Variants in RBFOX1 observed in about 807,000 individuals in gnomAD.
RBFOX1 encodes the protein RNA binding protein fox-1 homolog 1.
Under a neutral mutation model 57.7 loss-of-function variants are expected in RBFOX1, and 8 were observed. The observed-to-expected ratio is 0.14, with a 90% CI of 0.08 to 0.25. The LOEUF is 0.25. RBFOX1 is among the 10% of genes least tolerant of loss of function. The pLI is 1.00. For synonymous variants in RBFOX1, 326 were observed against 222.4 expected, an observed-to-expected ratio of 1.47 and a Z score of -4.15; for missense variants, 611 against 548.5, an observed-to-expected ratio of 1.11 and a Z score of -1.14.
At chr16:7,701,678 C>A (rs956717661) in intron 14 of RBFOX1, among the ~76,000 whole-genome samples, 5 of 152,188 alleles carry the variant, frequency 3.3e-5, no homozygotes, top group African/African-American at 1.2e-4. Context: ...TGAGCTTGGT[C>A]ATCCCTATGG....
intron 4 of RBFOX1, among the ~76,000 whole-genome samples, chr16:7,062,242 C>A (rs1050284352): frequency 7.0e-6 from 1 of 142,882 alleles, no homozygotes; most frequent in Non-Finnish European, 1.5e-5. Flanking sequence ...TGCCGTGAAC[C>A]GAGATCATGA....
At chr16:5,849,438 T>C (rs940383781) in intron 3 of RBFOX1, among the ~76,000 whole-genome samples, 2 of 152,074 alleles carry the variant, frequency 1.3e-5, no homozygotes, top group African/African-American at 4.8e-5. Flanking sequence ...GCTACAATCC[T>C]CTGCTACAGA....
At chr16:6,072,546 T>C (rs533665911) in intron 1 of RBFOX1, among the ~76,000 whole-genome samples, 127 of 152,312 alleles carry the variant, frequency 8.3e-4, no homozygotes, top group African/African-American at 3.0e-3. Context: ...TTTTCCATAG[T>C]GGCTACATAT....
chr16:6,704,053 C>T (rs992284131), intron 3 of RBFOX1: 34 of 152,374 alleles, frequency 2.2e-4, no homozygotes, highest in African/African-American at 8.0e-4. Context: ...CCCTCCTCCT[C>T]GAGCTCTTTG....
intron 5 of RBFOX1, among the ~76,000 whole-genome samples, chr16:7,522,792 C>T (rs546888958): frequency 4.7e-4 from 72 of 152,174 alleles, no homozygotes; most frequent in African/African-American, 1.6e-3. Context: ...CAAGAGTATT[C>T]AGAAATAGTA....
At chr16:6,760,354 C>G (rs1435303642) in intron 3 of RBFOX1, among the ~76,000 whole-genome samples, 2 of 152,106 alleles carry the variant, frequency 1.3e-5, no homozygotes, top group South Asian at 2.1e-4. Flanking sequence ...TGGTTTCAGT[C>G]TTTTGTTTTT....
At chr16:7,654,088 G>C in intron 12 of RBFOX1, 141 bp downstream of exon 12, 1 of 837,392 alleles carries the variant, frequency 1.2e-6, no homozygotes, top group South Asian at 1.8e-5. Context: ...GCCCGGCCGC[G>C]CACCTGCAGT....
intron 3 of RBFOX1, among the ~76,000 whole-genome samples, chr16:5,733,254 A>G (rs1208901181): frequency 3.3e-5 from 5 of 152,196 alleles, no homozygotes; most frequent in African/African-American, 1.2e-4. Flanking sequence ...TTGGCTTGTG[A>G]GAATATACAA....
intron 1 of RBFOX1, among the ~76,000 whole-genome samples, chr16:6,035,827 G>A (rs968858442): frequency 1.2e-4 from 18 of 152,250 alleles, no homozygotes; most frequent in Non-Finnish European, 2.2e-4. Flanking sequence ...GAAGGATTAC[G>A]CTTTCCAAAG....
At chr16:6,643,630 T>C (rs571400434) in intron 2 of RBFOX1, among the ~76,000 whole-genome samples, 47 of 152,306 alleles carry the variant, frequency 3.1e-4, no homozygotes, top group African/African-American at 1.1e-3. Flanking sequence ...CACAGTATAT[T>C]GTGTAAGGGA....
rs184712334 is a variant in RBFOX1, at chr16:5,510,203, A to G, written c.258+42949A>G. Among the ~76,000 whole-genome samples, 64 of 152,336 alleles carry G rather than the reference A, an allele frequency of 4.2e-4. 1 individual carries two copies. Among genetic ancestry groups the G allele is most frequent in the African/African-American group, 1.5e-3 (61 of 41,578 alleles). On this transcript the variant is annotated intron_variant, in intron 2 of 2. Transcript: ENST00000585867. The stretch of plus-strand genomic sequence containing the variant: ...TGGCTAAAATGGGGTCTATTCTGCT[A>G]TAGCAGAGGAAGAAACATCCCAGAC...
intron 1 of RBFOX1, among the ~76,000 whole-genome samples, chr16:5,307,920 C>A (rs1285869394): frequency 6.6e-6 from 1 of 152,206 alleles, no homozygotes; most frequent in African/African-American, 2.4e-5. Flanking sequence ...TCAGGCAATC[C>A]TCCTGTCTTG....
chr16:6,977,906 A>G (rs1024181802), intron 3 of RBFOX1, among the ~76,000 whole-genome samples: 17 of 142,560 alleles, frequency 1.2e-4, no homozygotes, highest in Non-Finnish European at 2.5e-4. Flanking sequence ...GGAGATCCCA[A>G]GAGGAAACTG....
chr16:6,811,904 T>C (rs542755156), intron 3 of RBFOX1, among the ~76,000 whole-genome samples: 1 of 151,922 alleles, frequency 6.6e-6, no homozygotes. Context: ...TATAAATAAA[T>C]AAAATACAAA....
At chr16:7,171,658 C>A (rs1041107103) in intron 4 of RBFOX1, among the ~76,000 whole-genome samples, 1 of 152,270 alleles carries the variant, frequency 6.6e-6, no homozygotes. Flanking sequence ...TTCACCATGC[C>A]AGAAGGGCCA....
At chr16:6,149,156 T>G (rs2096779999) in intron 1 of RBFOX1, among the ~76,000 whole-genome samples, 1 of 152,228 alleles carries the variant, frequency 6.6e-6, no homozygotes, top group Admixed American at 6.5e-5. Flanking sequence ...GTTAGGCGCT[T>G]TGGGGGCCTC....
At chr16:6,373,026 A>G (rs1402642120) in intron 2 of RBFOX1, among the ~76,000 whole-genome samples, 2 of 150,198 alleles carry the variant, frequency 1.3e-5, no homozygotes, top group Non-Finnish European at 3.0e-5. Flanking sequence ...GGTTGGGTGG[A>G]ATGGAGATTC....
At chr16:6,932,621 C>G (rs906699537) in intron 3 of RBFOX1, among the ~76,000 whole-genome samples, 4 of 152,132 alleles carry the variant, frequency 2.6e-5, no homozygotes, top group African/African-American at 4.8e-5. Flanking sequence ...CACAGGCTGC[C>G]CAAACATCTA....
intron 3 of RBFOX1, among the ~76,000 whole-genome samples, chr16:7,048,201 T>A (rs116804900): frequency 0.017 from 2,639 of 152,098 alleles, 79 homozygotes; most frequent in African/African-American, 0.059. Context: ...TTTATTTTTT[T>A]AAAAAAATTT....
Sources: gnomAD v4.1 joint callset for allele counts (sites outside exome capture counted in the v4.1 genomes callset) on GRCh38, gnomAD v4.1.1 for gene constraint, MANE v1.5 for transcripts, NCBI Gene and HGNC (gene_info 2026-07-23, HGNC 2026-07-21) for gene names.